RUNX2: variants seen among roughly 807,000 people sequenced by gnomAD.
RUNX2 encodes RUNX family transcription factor 2, also known as runt-related transcription factor 2.
RUNX2 carries 10 observed loss-of-function variants against 51.7 expected under a neutral mutation model. The observed-to-expected ratio is 0.19, with a 90% CI of 0.12 to 0.33. The LOEUF is 0.33. Among genes scored for constraint, RUNX2 ranks in the 10% least tolerant of loss-of-function variants. RUNX2 has a pLI of 1.00. For missense variants in RUNX2, 562 were observed against 691.3 expected, an observed-to-expected ratio of 0.81 and a Z score of 2.10; for synonymous variants, 276 against 273.6, an observed-to-expected ratio of 1.01 and a Z score of -0.09.
chr6:45,424,948 A>G (rs531862695), intron 3 of RUNX2, among the ~76,000 whole-genome samples: 133 of 152,104 alleles, frequency 8.7e-4, no homozygotes, highest in Non-Finnish European at 1.6e-3. Context: ...TTTCCATACA[A>G]TATATATCTT....
At chr6:45,516,458 T>TG (rs1447219769) in intron 7 of RUNX2, among the ~76,000 whole-genome samples, 1 of 152,224 alleles carries the variant, frequency 6.6e-6, no homozygotes, top group East Asian at 1.9e-4. Context: ...GAAACCAGTC[T>TG]AGTGATGTTA....
At chr6:45,534,627 G>A (rs1296162965) in intron 7 of RUNX2, among the ~76,000 whole-genome samples, 1 of 152,162 alleles carries the variant, frequency 6.6e-6, no homozygotes, top group African/African-American at 2.4e-5. Context: ...GGTAGTCAGG[G>A]CAGAGCTGTG....
At position 45,515,890 on chromosome 6, in the gene RUNX2, A is replaced by C. The variant is rs114606944; in HGVS notation, c.1021+3483A>C. Among the ~76,000 whole-genome samples, 1,149 of 152,304 alleles carry C rather than the reference A, an allele frequency of 7.5e-3. 16 individuals carry two copies. The highest frequency in any genetic ancestry group is 0.026 in the African/African-American group (1,092 of 41,566). Reference sequence around the variant, plus strand: ...TGCTGTGTTCCAAGGGATCATAGGAATAGAAACAACCAGAAAGATCCACCA... The same window carrying C: ...TGCTGTGTTCCAAGGGATCATAGGACTAGAAACAACCAGAAAGATCCACCA... On this transcript the variant is annotated intron_variant, in intron 7 of 8. Transcript: ENST00000647337.
chr6:45,458,688 G>T (rs1799390081), intron 5 of RUNX2, among the ~76,000 whole-genome samples: 1 of 152,194 alleles, frequency 6.6e-6, no homozygotes, highest in Admixed American at 6.5e-5. Flanking sequence ...GAATCTTCCA[G>T]TTAGCTGAAT....
chr6:45,478,364 T>C (rs1436195204), intron 5 of RUNX2, among the ~76,000 whole-genome samples: 1 of 152,258 alleles, frequency 6.6e-6, no homozygotes, highest in African/African-American at 2.4e-5. Flanking sequence ...TCACCTCTTA[T>C]TACATTTTGT....
At chr6:45,418,384 T>C (rs1798109031) in intron 2 of RUNX2, among the ~76,000 whole-genome samples, 1 of 152,174 alleles carries the variant, frequency 6.6e-6, no homozygotes, top group Admixed American at 6.5e-5. Flanking sequence ...TGGGTGGGAT[T>C]ATGTTTGTAT....
chr6:45,456,221 G>A (rs1476968172), intron 5 of RUNX2, among the ~76,000 whole-genome samples: 1 of 151,998 alleles, frequency 6.6e-6, no homozygotes, highest in African/African-American at 2.4e-5. Context: ...GTATTTGTAT[G>A]TATGAATATA....
Position 45,547,097 on chromosome 6 carries a change from C to T in RUNX2, c.1358C>T (p.Ser453Phe), listed in dbSNP as rs771630924. 1 of 1,614,104 alleles carries T rather than the reference C, an allele frequency of 6.2e-7. No individual in the cohort carries two copies. The highest frequency in any genetic ancestry group is 8.5e-7 in the Non-Finnish European group (1 of 1,180,016). ...PYLYYGTSSGSYQFPMVPGGD... is the reference protein window; with the variant it reads ...PYLYYGTSSGFYQFPMVPGGD... ...CTCTACTATGGCACTTCGTCAGGATCCTATCAGTTTCCCATGGTGCCGGGG... is the reference window on the plus strand; with the variant it reads ...CTCTACTATGGCACTTCGTCAGGATTCTATCAGTTTCCCATGGTGCCGGGG... The change falls in exon 9 of 9, where the codon TCC (serine) becomes TTC (phenylalanine). Residue 453 changes from serine (S) to phenylalanine (F), a missense_variant. Physicochemically the swap from Ser to Phe is radical, Grantham distance 155. This residue lies in a region of RUNX2 where 304 missense variants were observed against 353.2 expected (regional missense o/e 0.86). Coordinates refer to ENST00000647337, the MANE Select transcript of RUNX2 (RefSeq NM_001024630.4).
intron 2 of RUNX2, among the ~76,000 whole-genome samples, chr6:45,340,402 C>A (rs905647658): frequency 3.3e-5 from 5 of 152,098 alleles, no homozygotes; most frequent in Admixed American, 3.3e-4. Flanking sequence ...CAGCTCACTG[C>A]AACTTTGACC....
At chr6:45,499,568 T>C (rs1800741240) in intron 6 of RUNX2, among the ~76,000 whole-genome samples, 1 of 152,222 alleles carries the variant, frequency 6.6e-6, no homozygotes, top group Admixed American at 6.5e-5. Flanking sequence ...GTGCTCTGTT[T>C]GGATTTCTGT....
intron 2 of RUNX2, among the ~76,000 whole-genome samples, chr6:45,338,287 A>G (rs1168450600): frequency 1.3e-5 from 2 of 152,080 alleles, no homozygotes; most frequent in African/African-American, 4.8e-5. Flanking sequence ...CTTTCACTGC[A>G]GATTGTTCTC....
At chr6:45,352,755 GTA>G (rs150567905) in intron 2 of RUNX2, among the ~76,000 whole-genome samples, 20,124 of 151,896 alleles carry the variant, frequency 0.13, 1,536 homozygotes, top group East Asian at 0.26. Flanking sequence ...CTTAGATCAT[GTA>G]TTTACAAAAT....
chr6:45,430,213 T>C lies in RUNX2; in HGVS notation c.424-1650T>C, dbSNP rs1798504022. On this transcript the variant is annotated intron_variant, in intron 3 of 8. Coordinates refer to ENST00000647337, the MANE Select transcript of RUNX2 (RefSeq NM_001024630.4). ...CCCTTCTCTCGTGTAGTTTCCTAAC[T>C]CATATAATCTGGACTCCTAGGAGTG... Among the ~76,000 whole-genome samples, 4 of 152,128 alleles carry C rather than the reference T, an allele frequency of 2.6e-5. No individual in the cohort carries two copies. In the South Asian group the frequency reaches 8.3e-4, roughly 31 times the overall value.
chr6:45,522,059 T>A (rs1424857402), intron 7 of RUNX2, among the ~76,000 whole-genome samples: 1 of 152,242 alleles, frequency 6.6e-6, no homozygotes, highest in Non-Finnish European at 1.5e-5. Flanking sequence ...CTAGAACATT[T>A]TAGATTTTAA....
At chr6:45,361,382 T>C (rs569402472) in intron 2 of RUNX2, among the ~76,000 whole-genome samples, 1 of 152,238 alleles carries the variant, frequency 6.6e-6, no homozygotes, top group African/African-American at 2.4e-5. Context: ...AAATCTGGCA[T>C]CATTATCATC....
rs76521618 is a variant in RUNX2, at chr6:45,364,036, A to T, written c.58+35252A>T. ...AGGCTGAGGCAGGAAAATCGCTTCA[A>T]CCTAGGAAGTGAAGGTTGCAGTGAG... is the stretch of plus-strand genomic sequence containing the variant. On this transcript the variant is annotated intron_variant, in intron 2 of 8. Coordinates refer to ENST00000647337, the MANE Select transcript of RUNX2 (RefSeq NM_001024630.4). 7.2e-3 allele frequency among the ~76,000 whole-genome samples: 1,092 copies of T among 151,868 alleles called. 19 individuals carry two copies. Among genetic ancestry groups the T allele is most frequent in the African/African-American group, 0.025 (1,040 of 41,460 alleles).
At position 45,459,844 on chromosome 6, in the gene RUNX2, G is replaced by A. The variant is rs190964760; in HGVS notation, c.685+21793G>A. ...AGGTCAGTCAGGCCTTGCTGATGGG[G>A]CAACATTTGAGCGGAGGCTTGAATT... is the stretch of plus-strand genomic sequence containing the variant. On this transcript the variant is annotated intron_variant, in intron 5 of 8. Coordinates refer to ENST00000647337, the MANE Select transcript of RUNX2 (RefSeq NM_001024630.4). Among the ~76,000 whole-genome samples the A allele has an allele frequency of 5.0e-3, 754 of 152,314 alleles. 8 individuals carry two copies. Among genetic ancestry groups the A allele is most frequent in the African/African-American group, 0.017 (711 of 41,558 alleles).
intron 7 of RUNX2, among the ~76,000 whole-genome samples, chr6:45,533,888 C>A (rs1582216737): frequency 9.3e-6 from 1 of 108,086 alleles, no homozygotes. Flanking sequence ...CCTGTTGAGA[C>A]TTTTTTTTTT....
At chr6:45,405,674 C>A (rs530333579) in intron 2 of RUNX2, among the ~76,000 whole-genome samples, 102 of 152,170 alleles carry the variant, frequency 6.7e-4, no homozygotes, top group Admixed American at 1.3e-3. Flanking sequence ...GTAATCTCAG[C>A]TACTTGGGAG....
Sources: allele counts gnomAD v4.1 joint callset (sites outside exome capture counted in the v4.1 genomes callset), GRCh38; gene constraint gnomAD v4.1.1; regional missense constraint gnomAD v4.1.1; transcripts MANE v1.5; gene names NCBI Gene and HGNC (gene_info 2026-07-23, HGNC 2026-07-21).